The following EPHA6 variants were observed in gnomAD, a reference collection of about 807,000 sequenced individuals.
The protein encoded by EPHA6 is EPH receptor A6.
A neutral mutation model predicts 112.0 loss-of-function variants in EPHA6; 50 were observed. That is an observed-to-expected ratio of 0.45 (90% CI 0.36 to 0.56). The LOEUF is 0.56. Among genes scored for constraint, EPHA6 ranks in the 20% least tolerant of loss-of-function variants. The pLI is 0.00. For missense variants in EPHA6, 1,280 were observed against 1,417.4 expected (o/e 0.90, Z 1.56); for synonymous variants, 529 against 490.7 (o/e 1.08, Z -1.03).
Position 97,637,945 on chromosome 3 carries a change from C to G in EPHA6, c.2647C>G (p.Leu883Val), listed in dbSNP as rs1164156624. The change falls in exon 14 of 18, where the codon CTT becomes GTT. Residue 883 changes from leucine (L) to valine (V), a missense_variant. By Grantham distance (32) the Leu-to-Val change is conservative. Coordinates refer to ENST00000389672, the MANE Select transcript of EPHA6 (RefSeq NM_001080448.3). ...LRGIASGMKY[L>V]SDMGYVHRDL... ...AGGCATTGCATCAGGCATGAAGTAT[C>G]TTTCTGATATGGGTTATGTTCATCG... The G allele has an allele frequency of 6.2e-7, 1 of 1,613,940 alleles. No homozygotes were observed. Among genetic ancestry groups the G allele is most frequent in the East Asian group, 2.2e-5 (1 of 44,870 alleles).
At chr3:97,147,493 T>C (rs1395001188) in intron 3 of EPHA6, among the ~76,000 whole-genome samples, 1 of 152,096 alleles carries the variant, frequency 6.6e-6, no homozygotes, top group Non-Finnish European at 1.5e-5. Context: ...ATTTAATAAA[T>C]GAATCTCATC....
intron 12 of EPHA6, among the ~76,000 whole-genome samples, chr3:97,596,549 A>G (rs1397244710): frequency 6.6e-6 from 1 of 151,932 alleles, no homozygotes; most frequent in Non-Finnish European, 1.5e-5. Flanking sequence ...ACTATCTGAC[A>G]TCATATGGTA....
chr3:97,093,858 C>T (rs1194889058), intron 3 of EPHA6, among the ~76,000 whole-genome samples: 3 of 152,058 alleles, frequency 2.0e-5, no homozygotes, highest in African/African-American at 4.8e-5. Flanking sequence ...TTCTTTCCCA[C>T]GGGAGTAGTA....
At chr3:96,909,109 T>C (rs1003643521) in intron 2 of EPHA6, among the ~76,000 whole-genome samples, 3 of 151,984 alleles carry the variant, frequency 2.0e-5, no homozygotes, top group Admixed American at 6.6e-5. Flanking sequence ...TTAATATAAC[T>C]AGTTATTTTG....
chr3:97,109,931 G>A (rs988395992), intron 3 of EPHA6, among the ~76,000 whole-genome samples: 1 of 151,960 alleles, frequency 6.6e-6, no homozygotes, highest in Admixed American at 6.6e-5. Context: ...TAGAAGGGCT[G>A]GGTTATATGG....
At chr3:97,256,426 T>A (rs2079315988) in intron 5 of EPHA6, among the ~76,000 whole-genome samples, 1 of 151,940 alleles carries the variant, frequency 6.6e-6, no homozygotes, top group South Asian at 2.1e-4. Context: ...TCAGGAAAAG[T>A]ATAATTTTAA....
intron 14 of EPHA6, among the ~76,000 whole-genome samples, chr3:97,675,576 C>T (rs1402266804): frequency 6.6e-6 from 1 of 152,086 alleles, no homozygotes; most frequent in African/African-American, 2.4e-5. Flanking sequence ...AAGACCAATA[C>T]CTAACTTCAT....
chr3:97,127,701 C>G, intron 3 of EPHA6, among the ~76,000 whole-genome samples: 1 of 150,054 alleles, frequency 6.7e-6, no homozygotes, highest in East Asian at 2.0e-4. Context: ...GGCGACAGAG[C>G]CAGACCCTGT....
intron 13 of EPHA6, among the ~76,000 whole-genome samples, chr3:97,611,520 A>G (rs140785863): frequency 6.6e-6 from 1 of 152,068 alleles, no homozygotes; most frequent in Non-Finnish European, 1.5e-5. Flanking sequence ...TTTATAATAC[A>G]TTTAAGATTT....
At chr3:96,967,518 T>C (rs1210560492) in intron 2 of EPHA6, among the ~76,000 whole-genome samples, 1 of 151,996 alleles carries the variant, frequency 6.6e-6, no homozygotes, top group Non-Finnish European at 1.5e-5. Context: ...GCAGAATTAC[T>C]AGATCAGTGT....
At chr3:97,414,329 G>A (rs1017022341) in intron 6 of EPHA6, among the ~76,000 whole-genome samples, 2 of 151,876 alleles carry the variant, frequency 1.3e-5, no homozygotes, top group African/African-American at 4.8e-5. Flanking sequence ...CTGATATTTG[G>A]CTCATCTTTT....
chr3:96,862,701 T>A (rs2036078290), intron 1 of EPHA6, among the ~76,000 whole-genome samples: 1 of 151,952 alleles, frequency 6.6e-6, no homozygotes, highest in South Asian at 2.1e-4. Context: ...TAATTGTTTT[T>A]AAACTAATAC....
At chr3:97,514,942 A>G (rs2092424358) in intron 10 of EPHA6, among the ~76,000 whole-genome samples, 1 of 152,186 alleles carries the variant, frequency 6.6e-6, no homozygotes, top group African/African-American at 2.4e-5. Context: ...TAAACCACCT[A>G]GTCTGTTGTA....
chr3:97,026,058 T>G (rs2044625896), intron 3 of EPHA6, among the ~76,000 whole-genome samples: 1 of 152,058 alleles, frequency 6.6e-6, no homozygotes, highest in South Asian at 2.1e-4. Flanking sequence ...GAAGTTCAGA[T>G]AGTTTTAAGT....
chr3:97,033,024 C>G (rs2044932204), intron 3 of EPHA6, among the ~76,000 whole-genome samples: 1 of 150,348 alleles, frequency 6.7e-6, no homozygotes, highest in Non-Finnish European at 1.5e-5. Context: ...GAGTGCTGGA[C>G]TAGGCAATAT....
chr3:97,036,171 T>C (rs767162496), intron 3 of EPHA6, among the ~76,000 whole-genome samples: 4 of 152,028 alleles, frequency 2.6e-5, no homozygotes, highest in Non-Finnish European at 4.4e-5. Flanking sequence ...CAGCCTATGA[T>C]ATTTTTATTA....
chr3:96,972,463 G>A (rs889205212), intron 2 of EPHA6, among the ~76,000 whole-genome samples: 4 of 140,120 alleles, frequency 2.9e-5, no homozygotes, highest in Non-Finnish European at 6.2e-5. Flanking sequence ...ACACACACAC[G>A]TATTTAGGAA....
At chr3:96,998,652 A>G (rs1257775686) in intron 3 of EPHA6, among the ~76,000 whole-genome samples, 1 of 151,816 alleles carries the variant, frequency 6.6e-6, no homozygotes, top group African/African-American at 2.4e-5. Context: ...GATTATGTAT[A>G]GGTTCTGTAT....
rs570832452 is a variant in EPHA6 at position 97,492,988 on chromosome 3, T to C, written c.2200+8929T>C. On this transcript the variant is annotated intron_variant, in intron 10 of 17. Transcript: ENST00000389672. ...ATAAGCTTTTCCTTTTTTTTTTTTT[T>C]TTTGATGTGAATGTAACTCTAGCCC... Among the ~76,000 whole-genome samples the C allele has an allele frequency of 3.3e-5, 5 of 151,918 alleles. No individual in the cohort carries two copies. The East Asian group carries it at 7.7e-4, about 24-fold the overall frequency.
Sources: gnomAD v4.1 joint callset for allele counts (sites outside exome capture counted in the v4.1 genomes callset) on GRCh38, gnomAD v4.1.1 for gene constraint, MANE v1.5 for transcripts, NCBI Gene and HGNC (gene_info 2026-07-23, HGNC 2026-07-21) for gene names.